The following PCDHGA10 variants were observed in gnomAD, a reference collection of about 807,000 sequenced individuals.
The protein encoded by PCDHGA10 is protocadherin gamma subfamily A, 10, also known as protocadherin gamma-A10.
Under a neutral mutation model 59.5 loss-of-function variants are expected in PCDHGA10, and 42 were observed. The observed-to-expected ratio is 0.71, with a 90% CI of 0.55 to 0.91. The LOEUF is 0.91. Among genes scored for constraint, PCDHGA10 ranks in the 40% least tolerant of loss-of-function variants. PCDHGA10 has a pLI of 0.00. For missense variants in PCDHGA10, 1,111 were observed against 1,198.2 expected (o/e 0.93, Z 1.07); for synonymous variants, 511 against 517.2 (o/e 0.99, Z 0.16).
intron 1 of PCDHGA10, chr5:141,418,093 C>G: frequency 8.1e-6 from 13 of 1,614,032 alleles, no homozygotes; most frequent in Non-Finnish European, 1.1e-5. Flanking sequence ...TCAGCGTAGA[C>G]GCGCAGAGCG....
At chr5:141,421,423 C>T in intron 1 of PCDHGA10, 1 of 1,614,052 alleles carries the variant, frequency 6.2e-7, no homozygotes, top group Non-Finnish European at 8.5e-7. Context: ...GCGCGGAGTC[C>T]GCATCGTCTC....
chr5:141,432,413 G>T lies in PCDHGA10; in HGVS notation c.2436+16802G>T, dbSNP rs369816901. On this transcript the variant is annotated intron_variant, in intron 1 of 3. Transcript: ENST00000398610. This position sits in a 1 kb window ranked among gnomAD's most constrained non-coding sequence, Gnocchi z 6.0. ...CAGCAACGTGTCGTTGAGCCTGTTCGTGCTGGACCAGAACGACAATGCGCC... is the reference window on the plus strand; with the variant it reads ...CAGCAACGTGTCGTTGAGCCTGTTCTTGCTGGACCAGAACGACAATGCGCC... The T allele has an allele frequency of 6.2e-7, 1 of 1,614,232 alleles. No homozygotes were observed.
intron 1 of PCDHGA10, among the ~76,000 whole-genome samples, chr5:141,472,980 C>CAAAAAAAAAAAAAAAAGAAAAAAA (rs2099308501): frequency 2.3e-5 from 2 of 86,104 alleles, no homozygotes; most frequent in African/African-American, 7.8e-5. Flanking sequence ...GAGTGAAACT[C>CAAAAAAAAAAAAAAAAGAAAAAAA]AAAAAAAAAA....
Position 141,431,587 on chromosome 5 carries a change from A to C in PCDHGA10, c.2436+15976A>C. On this transcript the variant is annotated intron_variant, in intron 1 of 3. Coordinates refer to ENST00000398610, the MANE Select transcript of PCDHGA10 (RefSeq NM_018913.3). This position sits in a 1 kb window ranked among gnomAD's most constrained non-coding sequence, Gnocchi z 4.8. ...ACCCTGACGAAGGAGTCAATGCGGA[A>C]GTGAGGTATTCCTTCCGGTATGTGG... The C allele has an allele frequency of 1.2e-6, 2 of 1,614,236 alleles. No homozygotes were observed. Among genetic ancestry groups the C allele is most frequent in the Non-Finnish European group, 1.7e-6 (2 of 1,180,036 alleles).
At chr5:141,452,831 G>A (rs1184490491) in intron 1 of PCDHGA10, among the ~76,000 whole-genome samples, 1 of 152,104 alleles carries the variant, frequency 6.6e-6, no homozygotes, top group Non-Finnish European at 1.5e-5. Flanking sequence ...AAAATCACTT[G>A]GTCCAGCCCA....
chr5:141,435,882 C>G (rs780080571), intron 1 of PCDHGA10, among the ~76,000 whole-genome samples: 1 of 152,060 alleles, frequency 6.6e-6, no homozygotes, highest in African/African-American at 2.4e-5. Context: ...AGATTGGAAA[C>G]CCCTTAGAGA....
At position 141,490,460 on chromosome 5, in the gene PCDHGA10, TA is replaced by T. The variant is rs1393913480; in HGVS notation, c.2437-4345del. 1.2e-6 allele frequency: 2 copies of T among 1,614,094 alleles called. No individual in the cohort carries two copies. The highest frequency in any genetic ancestry group is 1.7e-6 in the Non-Finnish European group (2 of 1,180,048). On this transcript the variant is annotated intron_variant, in intron 1 of 3. Coordinates refer to ENST00000398610, the MANE Select transcript of PCDHGA10 (RefSeq NM_018913.3). The surrounding 1 kb of genome is among the most constrained non-coding windows in gnomAD (Gnocchi z 5.4). ...CCTTCTGAGAACCACTACTCGCTGC[TA>T]ACCAGCCAGCCTTTGGACCGGGAGG... is the stretch of plus-strand genomic sequence containing the variant.
rs138031063 is a variant in PCDHGA10 at position 141,447,985 on chromosome 5, C to T, written c.2436+32374C>T. Among the ~76,000 whole-genome samples the T allele has an allele frequency of 3.9e-3, 591 of 152,010 alleles. 6 individuals are homozygous for T. The highest frequency in any genetic ancestry group is 0.011 in the Admixed American group (170 of 15,260). On this transcript the variant is annotated intron_variant, in intron 1 of 3. Transcript: ENST00000398610. ...CCTATAATCCCAGCTACTCGGGAGG[C>T]TGAGGCATGAGAATCGCTTGAACCC...
intron 2 of PCDHGA10, among the ~76,000 whole-genome samples, chr5:141,499,445 C>A (rs904360147): frequency 1.3e-5 from 2 of 152,062 alleles, no homozygotes; most frequent in African/African-American, 4.8e-5. Flanking sequence ...AAAGGAAAAC[C>A]ACCCATCATT....
chr5:141,437,116 GA>G (rs914218907), intron 1 of PCDHGA10, among the ~76,000 whole-genome samples: 4 of 152,150 alleles, frequency 2.6e-5, no homozygotes, highest in African/African-American at 9.7e-5. Flanking sequence ...GGATTTTTAG[GA>G]CACTTGTTGA....
chr5:141,504,963 AC>A (rs1409940135), intron 2 of PCDHGA10, among the ~76,000 whole-genome samples: 1 of 152,038 alleles, frequency 6.6e-6, no homozygotes, highest in Non-Finnish European at 1.5e-5. Context: ...AATGCATTGG[AC>A]CAGCCTGGCC....
At chr5:141,469,929 G>C (rs1208858245) in intron 1 of PCDHGA10, among the ~76,000 whole-genome samples, 1 of 152,168 alleles carries the variant, frequency 6.6e-6, no homozygotes, top group Non-Finnish European at 1.5e-5. Context: ...TCAGGAGTTT[G>C]AGACCAGCCT....
At position 141,477,290 on chromosome 5, in the gene PCDHGA10, C is replaced by T; in HGVS notation, c.2437-17517C>T. 5 of 1,614,158 alleles carry T rather than the reference C, an allele frequency of 3.1e-6. No individual in the cohort carries two copies. In the South Asian group the frequency reaches 5.5e-5, roughly 18 times the overall value. On this transcript the variant is annotated intron_variant, in intron 1 of 3. Coordinates refer to ENST00000398610, the MANE Select transcript of PCDHGA10 (RefSeq NM_018913.3). The surrounding 1 kb of genome is among the most constrained non-coding windows in gnomAD (Gnocchi z 4.9). ...GAACGGGCTGGTGACCTGCGAAGTT[C>T]CACCGGGTCTCCCTTTCAGCCTTAC...
chr5:141,418,299 G>C lies in PCDHGA10; in HGVS notation c.2436+2688G>C, dbSNP rs767901461. 5 of 1,614,046 alleles carry C rather than the reference G, an allele frequency of 3.1e-6. No individual in the cohort carries two copies. In the Admixed American group the frequency reaches 8.3e-5, roughly 27 times the overall value. On this transcript the variant is annotated intron_variant, in intron 1 of 3. Coordinates refer to ENST00000398610, the MANE Select transcript of PCDHGA10 (RefSeq NM_018913.3). ...AACTTAGAAATCAGTGAATCCGTCA[G>C]CCTGGGGATGGGAACAATTCTTGAG...
chr5:141,415,752 T>G lies in PCDHGA10; in HGVS notation c.2436+141T>G, dbSNP rs981275270. ...GATGTTTATTAAGGTTTTTTTTTTT[T>G]TTTTTTTTTTTTTTTTTTTTACTTT... On this transcript the variant is annotated intron_variant, in intron 1 of 3. Transcript: ENST00000398610. 5.6e-5 allele frequency: 77 copies of G among 1,372,446 alleles called. No individual in the cohort carries two copies. In the East Asian group the frequency reaches 6.8e-4, roughly 12 times the overall value. 85.0% of individuals were successfully genotyped at this position (1,372,446 alleles called of 1,614,324 possible).
intron 1 of PCDHGA10, chr5:141,479,198 GA>G (rs1288699377): frequency 6.6e-6 from 1 of 152,304 alleles, no homozygotes; most frequent in African/African-American, 2.4e-5. Context: ...AGAAAATACA[GA>G]AAAGTATTTA....
Position 141,490,480 on chromosome 5 carries a change from C to G in PCDHGA10, c.2437-4327C>G. On this transcript the variant is annotated intron_variant, in intron 1 of 3. Coordinates refer to ENST00000398610, the MANE Select transcript of PCDHGA10 (RefSeq NM_018913.3). This position sits in a 1 kb window ranked among gnomAD's most constrained non-coding sequence, Gnocchi z 5.4. The stretch of plus-strand genomic sequence containing the variant: ...GCTGCTAACCAGCCAGCCTTTGGAC[C>G]GGGAGGCCACATCCCACTATATCAT... 2.5e-6 allele frequency: 4 copies of G among 1,614,194 alleles called. No homozygotes were observed. The highest frequency in any genetic ancestry group is 3.4e-6 in the Non-Finnish European group (4 of 1,180,050).
chr5:141,423,544 C>G, intron 1 of PCDHGA10: 1 of 1,613,744 alleles, frequency 6.2e-7, no homozygotes, highest in African/African-American at 1.3e-5. Flanking sequence ...GATTTTCCCC[C>G]AGCCCAACTA....
At chr5:141,441,849 G>A (rs1192040398) in intron 1 of PCDHGA10, 2 of 345,448 alleles carry the variant, frequency 5.8e-6, no homozygotes, top group Non-Finnish European at 1.1e-5. Context: ...TCTTGGATAT[G>A]GTGCTGCACG....
Sources: gnomAD v4.1 joint callset for allele counts (sites outside exome capture counted in the v4.1 genomes callset) on GRCh38, gnomAD v4.1.1 for gene constraint, Gnocchi (gnomAD v3.1) non-coding constraint, MANE v1.5 for transcripts, NCBI Gene and HGNC (gene_info 2026-07-23, HGNC 2026-07-21) for gene names.